Variants in GATAD2A observed in about 807,000 individuals in gnomAD.
The protein encoded by GATAD2A is GATA zinc finger domain containing 2A, also known as transcriptional repressor p66-alpha.
GATAD2A carries 12 observed loss-of-function variants against 68.5 expected under a neutral mutation model. The ratio of observed to expected loss-of-function variants is 0.18; its 90% CI spans 0.11 to 0.28. The LOEUF (loss-of-function observed/expected upper bound fraction) is 0.28. Ranked by LOEUF, GATAD2A falls within the 10% of genes least tolerant of loss-of-function variation. The probability of loss-of-function intolerance (pLI) is 1.00; values close to 1 mark genes in which losing one functional copy is unlikely to be tolerated. For missense variants in GATAD2A, 755 were observed against 868.5 expected, an observed-to-expected ratio of 0.87 and a Z score of 1.64; for synonymous variants, 410 against 375.3, an observed-to-expected ratio of 1.09 and a Z score of -1.07.
chr19:19,483,384 C>T (rs898641317), intron 2 of GATAD2A, among the ~76,000 whole-genome samples: 11 of 152,216 alleles, frequency 7.2e-5, no homozygotes, highest in African/African-American at 2.7e-4. Context: ...GCCTCTGAGG[C>T]AGAGAAGCAG....
chr19:19,471,657 G>A (rs76885029), intron 2 of GATAD2A, among the ~76,000 whole-genome samples: 16 of 152,142 alleles, frequency 1.1e-4, no homozygotes, highest in Middle Eastern at 3.4e-3. Flanking sequence ...TGAATTTTGC[G>A]GTATGTAAAG....
rs2060954999 is a variant in GATAD2A at position 19,508,355 on chromosome 19, CGAG to C, written c.*2883_*2885del. ...CGGTGACCAGGAACCACCCCTCTGA[CGAG>C]GTCTGTAGCGGCCCTTCTCAGAGTG... On this transcript the variant is annotated 3_prime_UTR_variant, in exon 12 of 12. Transcript: ENST00000683918. 2 of 152,332 alleles carry C rather than the reference CGAG, an allele frequency of 1.3e-5. No individual in the cohort carries two copies. Among genetic ancestry groups the C allele is most frequent in the Admixed American group, 1.3e-4 (2 of 15,280 alleles). 9.4% of individuals were successfully genotyped at this position (152,332 alleles called of 1,614,324 possible). A position where few individuals can be genotyped will look rare whatever the true frequency, so the allele number is the denominator to read the frequency against.
At position 19,444,194 on chromosome 19, in the gene GATAD2A, A is replaced by G; in HGVS notation, c.-6-21146A>G. Among the ~76,000 whole-genome samples the G allele has an allele frequency of 1.3e-5, 2 of 152,156 alleles. 1 individual carries two copies. Among genetic ancestry groups the G allele is most frequent in the Non-Finnish European group, 2.9e-5 (2 of 68,014 alleles). On this transcript the variant is annotated intron_variant, in intron 1 of 11. Coordinates refer to ENST00000683918, the MANE Select transcript of GATAD2A (RefSeq NM_001384528.1). ...ACTACCACTCCAGTACCCTGACTCT[A>G]TGATGAAAACCATTCTCCCCTCCCC...
intron 1 of GATAD2A, among the ~76,000 whole-genome samples, chr19:19,399,837 A>G (rs1272636336): frequency 2.0e-5 from 3 of 152,124 alleles, no homozygotes; most frequent in Non-Finnish European, 2.9e-5. Flanking sequence ...CATTTAACAA[A>G]TGGGGAGTAG....
At chr19:19,472,053 CTGT>C (rs1568316729) in intron 2 of GATAD2A, among the ~76,000 whole-genome samples, 1 of 152,172 alleles carries the variant, frequency 6.6e-6, no homozygotes. Context: ...TGGGGTTTTT[CTGT>C]TGTTCTTTTT....
At chr19:19,426,134 G>A (rs1190849567) in intron 1 of GATAD2A, among the ~76,000 whole-genome samples, 1 of 152,138 alleles carries the variant, frequency 6.6e-6, no homozygotes, top group Non-Finnish European at 1.5e-5. Context: ...ATTAGTAGGG[G>A]CACTATGGGT....
At chr19:19,425,294 C>A (rs1249454078) in intron 1 of GATAD2A, among the ~76,000 whole-genome samples, 1 of 152,128 alleles carries the variant, frequency 6.6e-6, no homozygotes, top group Non-Finnish European at 1.5e-5. Context: ...GAGGCAGTGT[C>A]TTCTGCCAGA....
intron 1 of GATAD2A, among the ~76,000 whole-genome samples, chr19:19,464,352 T>A (rs1297257508): frequency 1.3e-5 from 2 of 152,216 alleles, no homozygotes; most frequent in Non-Finnish European, 2.9e-5. Flanking sequence ...AGAACCTGAC[T>A]CTCTCTGTCT....
intron 1 of GATAD2A, chr19:19,440,328 T>C (rs747627850): frequency 5.0e-6 from 1 of 200,986 alleles, no homozygotes; most frequent in South Asian, 8.8e-5. Context: ...TGGAGTGGAG[T>C]GGCGCGATCT....
At position 19,508,047 on chromosome 19, in the gene GATAD2A, C is replaced by T. The variant is rs945665950; in HGVS notation, c.*2573C>T. ...TCTTAAACCAGGCACTGCCTGGGTC[C>T]TGGTCCCGAGAGCCCTACCAGGATC... On this transcript the variant is annotated 3_prime_UTR_variant, in exon 12 of 12. Coordinates refer to ENST00000683918, the MANE Select transcript of GATAD2A (RefSeq NM_001384528.1). 4.6e-5 allele frequency: 7 copies of T among 152,348 alleles called. No homozygotes were observed. Among genetic ancestry groups the T allele is most frequent in the Admixed American group, 3.9e-4 (6 of 15,304 alleles). 9.4% of individuals were successfully genotyped at this position (152,348 alleles called of 1,614,324 possible).
At chr19:19,391,970 A>G (rs1042858909) in intron 1 of GATAD2A, among the ~76,000 whole-genome samples, 1 of 152,164 alleles carries the variant, frequency 6.6e-6, no homozygotes, top group Non-Finnish European at 1.5e-5. Flanking sequence ...TTCCATCCAA[A>G]TGAATGGATG....
intron 11 of GATAD2A, among the ~76,000 whole-genome samples, chr19:19,504,368 C>G (rs374044905): frequency 6.6e-6 from 1 of 152,284 alleles, no homozygotes; most frequent in South Asian, 2.1e-4. Context: ...ATTTTCCTCC[C>G]CCAGGTGAAC....
chr19:19,501,299 C>T lies in GATAD2A; in HGVS notation c.1386C>T (p.Ala462=). 4 of 1,613,236 alleles carry T rather than the reference C, an allele frequency of 2.5e-6. No homozygotes were observed. Among genetic ancestry groups the T allele is most frequent in the Non-Finnish European group, 2.5e-6 (3 of 1,179,990 alleles). ...KVEHTSRLKA[A]FVKALQQEQE... ...AGCACACCAGCCGGCTGAAGGCCGC[C>T]TTTGTGAAGGCGCTGCAGCAGGAAC... is the stretch of plus-strand genomic sequence containing the variant. The change falls in exon 9 of 12, where the codon GCC becomes GCT. Residue 462 remains alanine (A), a synonymous_variant. Transcript: ENST00000683918.
rs1268970753 is a variant in GATAD2A, at chr19:19,492,342, C to T, written c.306C>T (p.Asp102=). 10 of 1,609,632 alleles carry T rather than the reference C, an allele frequency of 6.2e-6. No homozygotes were observed. The highest frequency in any genetic ancestry group is 3.3e-4 in the Middle Eastern group (2 of 6,078). ...CCGAGAGGAGACCCCCCTCACCTGA[C>T]GTGATTGTGCTCTCCGACAACGAGC... ...MKSERRPPSP[D]VIVLSDNEQP... The change falls in exon 3 of 12, where the codon GAC becomes GAT. Residue 102 remains aspartate (D), a synonymous_variant. Transcript: ENST00000683918.
chr19:19,439,645 C>T (rs1406183189), intron 1 of GATAD2A, among the ~76,000 whole-genome samples: 2 of 152,060 alleles, frequency 1.3e-5, no homozygotes, highest in African/African-American at 2.4e-5. Flanking sequence ...GTTAGGAGTT[C>T]GAGACCAGCA....
chr19:19,494,518 G>A, intron 5 of GATAD2A, 135 bp downstream of exon 5: 1 of 594,656 alleles, frequency 1.7e-6, no homozygotes, highest in Admixed American at 2.9e-5. Context: ...AGGCTGGAGT[G>A]AGGCCCTCCA....
chr19:19,391,199 C>T (rs1179494666), intron 1 of GATAD2A, among the ~76,000 whole-genome samples: 1 of 152,202 alleles, frequency 6.6e-6, no homozygotes, highest in East Asian at 1.9e-4. Flanking sequence ...CTGCCCCTGA[C>T]GGCTAAAACC....
intron 1 of GATAD2A, among the ~76,000 whole-genome samples, chr19:19,439,551 A>G (rs1350942187): frequency 1.3e-5 from 2 of 152,158 alleles, no homozygotes; most frequent in African/African-American, 2.4e-5. Flanking sequence ...TGCAACATCT[A>G]GCAAAAGGAC....
intron 2 of GATAD2A, among the ~76,000 whole-genome samples, chr19:19,480,321 T>C (rs1380617670): frequency 1.3e-5 from 2 of 152,230 alleles, no homozygotes; most frequent in Non-Finnish European, 2.9e-5. Flanking sequence ...CATCATTTAG[T>C]GTCACAAAAT....
Sources: allele counts gnomAD v4.1 joint callset (sites outside exome capture counted in the v4.1 genomes callset), GRCh38; gene constraint gnomAD v4.1.1; transcripts MANE v1.5; gene names NCBI Gene and HGNC (gene_info 2026-07-23, HGNC 2026-07-21).